The following MCPH1 variants were observed in gnomAD, a reference collection of about 807,000 sequenced individuals.
MCPH1 encodes microcephalin.
In MCPH1, 104 loss-of-function variants were observed where a neutral mutation model predicts 84.5. The observed-to-expected ratio is 1.23, with a 90% CI of 1.05 to 1.45. MCPH1 has a LOEUF of 1.45. Ranked by LOEUF, MCPH1 falls within the 40% of genes most tolerant of loss-of-function variation. The probability of loss-of-function intolerance (pLI) is 0.00; values close to 1 mark genes in which losing one functional copy is unlikely to be tolerated. For missense variants in MCPH1, 1,498 were observed against 1,005.7 expected (o/e 1.49, Z -6.62); for synonymous variants, 514 against 366.8 (o/e 1.40, Z -4.58).
chr8:6,496,740 A>C (rs1811275764), intron 11 of MCPH1, among the ~76,000 whole-genome samples: 1 of 152,214 alleles, frequency 6.6e-6, no homozygotes, highest in Non-Finnish European at 1.5e-5. Context: ...AAATGTTTTC[A>C]ACACAATCGT....
intron 11 of MCPH1, among the ~76,000 whole-genome samples, chr8:6,497,022 G>A (rs2916719): frequency 0.28 from 43,233 of 151,992 alleles, 6,323 homozygotes; most frequent in Admixed American, 0.32. Context: ...AATAAATTTT[G>A]TTCTTAGCTG....
intron 11 of MCPH1, among the ~76,000 whole-genome samples, chr8:6,496,508 C>T (rs148662788): frequency 1.3e-5 from 2 of 152,070 alleles, no homozygotes; most frequent in East Asian, 1.9e-4. Flanking sequence ...TGACTTTCGC[C>T]ACACGGAAGC....
chr8:6,445,670 A>G, intron 8 of MCPH1, 123 bp downstream of exon 8: 1 of 1,452,848 alleles, frequency 6.9e-7, no homozygotes. Flanking sequence ...TTTTACTTAA[A>G]GAATGTGCAT....
In MCPH1 at chr8:6,436,926, C is replaced by T. The variant is rs991946221; in HGVS notation, c.436+764C>T. Among the ~76,000 whole-genome samples the T allele has an allele frequency of 2.2e-4, 34 of 151,972 alleles. 2 individuals are homozygous for T. Among genetic ancestry groups the T allele is most frequent in the African/African-American group, 8.0e-4 (33 of 41,452 alleles). ...CAGAGCTTGCAGTGAGCCGAGACTG[C>T]ACCACTGCACTCCAGCCTGGGCAAC... On this transcript the variant is annotated intron_variant, in intron 5 of 13. Coordinates refer to ENST00000344683, the MANE Select transcript of MCPH1 (RefSeq NM_024596.5).
At chr8:6,425,282 G>A (rs75161565) in intron 3 of MCPH1, among the ~76,000 whole-genome samples, 17 of 152,236 alleles carry the variant, frequency 1.1e-4, no homozygotes, top group South Asian at 4.1e-4. Context: ...AACACTTTTC[G>A]TTTTGACCAC....
chr8:6,458,471 C>CAAAAAAAAAAAAAAAAAAAAA (rs544975666), intron 9 of MCPH1, among the ~76,000 whole-genome samples: 1 of 86,684 alleles, frequency 1.2e-5, no homozygotes, highest in Non-Finnish European at 2.6e-5. Context: ...GACTCCTTCT[C>CAAAAAAAAAAAAAAAAAAAAA]AAAAAAAAAA....
chr8:6,437,024 C>T (rs1802751273), intron 5 of MCPH1, among the ~76,000 whole-genome samples: 2 of 152,132 alleles, frequency 1.3e-5, no homozygotes, highest in South Asian at 2.1e-4. Context: ...TTTGGTATTT[C>T]TGTTTTGCCT....
intron 3 of MCPH1, among the ~76,000 whole-genome samples, chr8:6,418,989 T>G (rs1585625659): frequency 6.6e-6 from 1 of 152,300 alleles, no homozygotes; most frequent in East Asian, 1.9e-4. Context: ...CTGCAAAAGT[T>G]TCTGGGATTA....
intron 12 of MCPH1, among the ~76,000 whole-genome samples, chr8:6,599,912 A>G (rs983767875): frequency 1.3e-5 from 2 of 152,266 alleles, no homozygotes; most frequent in East Asian, 1.9e-4. Context: ...ACTTGCTTCA[A>G]TGCAATTACT....
chr8:6,474,972 C>T (rs951572038), intron 9 of MCPH1, among the ~76,000 whole-genome samples: 3 of 152,140 alleles, frequency 2.0e-5, no homozygotes, highest in East Asian at 3.8e-4. Context: ...AAAACATTTA[C>T]GTTTCTATAG....
At chr8:6,594,444 C>T (rs545586034) in intron 12 of MCPH1, among the ~76,000 whole-genome samples, 1 of 152,198 alleles carries the variant, frequency 6.6e-6, no homozygotes, top group Admixed American at 6.5e-5. Flanking sequence ...TTCCAAAACA[C>T]TCATTCGTGG....
intron 12 of MCPH1, among the ~76,000 whole-genome samples, chr8:6,542,560 C>A (rs2515486): frequency 0.18 from 27,930 of 151,670 alleles, 2,694 homozygotes; most frequent in East Asian, 0.27. Context: ...CACCCCATCC[C>A]GCACTCTCAT....
At chr8:6,495,815 G>A (rs891530641) in intron 11 of MCPH1, among the ~76,000 whole-genome samples, 3 of 152,094 alleles carry the variant, frequency 2.0e-5, no homozygotes, top group African/African-American at 7.2e-5. Flanking sequence ...CCAGTAAAGC[G>A]GAATGTAAAA....
intron 5 of MCPH1, among the ~76,000 whole-genome samples, chr8:6,438,247 C>T (rs1422993847): frequency 2.6e-5 from 4 of 152,132 alleles, no homozygotes; most frequent in Non-Finnish European, 4.4e-5. Context: ...TAATTAAAAA[C>T]TATATGTATA....
In MCPH1 at chr8:6,588,249, C is replaced by T. The variant is rs370031116; in HGVS notation, c.2215-33205C>T. Among the ~76,000 whole-genome samples the T allele has an allele frequency of 1.2e-4, 18 of 152,188 alleles. No homozygotes were observed. In the East Asian group the frequency reaches 3.5e-3, roughly 29 times the overall value. On this transcript the variant is annotated intron_variant, in intron 12 of 13. Transcript: ENST00000344683. ...ATAGCAGCAGCTGCTCTCAGTGGGG[C>T]ATTCTTTTTCCAGAGCCAGGCCAGC...
intron 5 of MCPH1, among the ~76,000 whole-genome samples, chr8:6,437,869 A>T (rs1161365903): frequency 6.6e-6 from 1 of 152,020 alleles, no homozygotes; most frequent in Non-Finnish European, 1.5e-5. Context: ...TCCCTCCTGC[A>T]CCACTGCAGC....
At chr8:6,632,496 A>T (rs1797234810) in intron 13 of MCPH1, among the ~76,000 whole-genome samples, 1 of 152,040 alleles carries the variant, frequency 6.6e-6, no homozygotes. Context: ...GGTTTAAAAA[A>T]CTCATTTGTA....
chr8:6,422,031 C>T (rs190015902), intron 3 of MCPH1, among the ~76,000 whole-genome samples: 1 of 152,224 alleles, frequency 6.6e-6, no homozygotes. Flanking sequence ...GTTCACAGTT[C>T]AAGCCCTATT....
At chr8:6,614,708 C>T (rs1830631336) in intron 12 of MCPH1, among the ~76,000 whole-genome samples, 1 of 152,212 alleles carries the variant, frequency 6.6e-6, no homozygotes, top group Non-Finnish European at 1.5e-5. Flanking sequence ...ATGGATTATT[C>T]ATTGGAAACC....
Sources: gnomAD v4.1 joint callset for allele counts (sites outside exome capture counted in the v4.1 genomes callset) on GRCh38, gnomAD v4.1.1 for gene constraint, MANE v1.5 for transcripts, NCBI Gene and HGNC (gene_info 2026-07-23, HGNC 2026-07-21) for gene names.